The following CSNK1E variants were observed in gnomAD, a reference collection of about 807,000 sequenced individuals.
The protein encoded by CSNK1E is casein kinase I isoform epsilon.
In CSNK1E, 17 loss-of-function variants were observed where a neutral mutation model predicts 46.1. The observed-to-expected ratio is 0.37, with a 90% CI of 0.25 to 0.55. The LOEUF is 0.55. Among genes scored for constraint, CSNK1E ranks in the 20% least tolerant of loss-of-function variants. The pLI, the probability that CSNK1E is intolerant of heterozygous loss-of-function variation, is 0.82. For synonymous variants in CSNK1E, 241 were observed against 242.6 expected, an observed-to-expected ratio of 0.99 and a Z score of 0.06; for missense variants, 386 against 595.4, an observed-to-expected ratio of 0.65 and a Z score of 3.66.
At chr22:38,305,158 A>C (rs2092692618) in intron 2 of CSNK1E, among the ~76,000 whole-genome samples, 1 of 150,758 alleles carries the variant, frequency 6.6e-6, no homozygotes, top group South Asian at 2.1e-4. Context: ...GAAGAGTGCA[A>C]GCACAGTTCT....
At chr22:38,301,852 T>C (rs1279100967) in intron 4 of CSNK1E, among the ~76,000 whole-genome samples, 1 of 152,210 alleles carries the variant, frequency 6.6e-6, no homozygotes, top group Admixed American at 6.5e-5. Context: ...TGAGGGGCTC[T>C]GGCGACCCTC....
intron 10 of CSNK1E, chr22:38,292,967 A>G: frequency 2.3e-6 from 1 of 442,456 alleles, no homozygotes; most frequent in Non-Finnish European, 4.1e-6. Context: ...AACCTTCCAA[A>G]ATATGTTAAG....
In CSNK1E at chr22:38,317,282, AGCC is replaced by A. The variant is rs552795135; in HGVS notation, c.-138_-136del. ...CCGGCGCGCCAGCCTCTCCCGGCCC[AGCC>A]GCCGCCGCCGCCGCCGCCGCCGCGC... On this transcript the variant is annotated 5_prime_UTR_variant, in exon 1 of 11. Transcript: ENST00000396832. 133 of 146,564 alleles carry A rather than the reference AGCC, an allele frequency of 9.1e-4. No individual in the cohort carries two copies. Among genetic ancestry groups the A allele is most frequent in the Middle Eastern group, 3.3e-3 (1 of 300 alleles). 9.1% of individuals were successfully genotyped at this position (146,564 alleles called of 1,614,324 possible).
chr22:38,314,203 C>A, intron 1 of CSNK1E, 34 bp from the exon 2 acceptor site: 1 of 1,579,006 alleles, frequency 6.3e-7, no homozygotes, highest in Non-Finnish European at 8.7e-7. Context: ...GGGTCAGCGA[C>A]GTGGGGAGCC....
chr22:38,293,000 C>A (rs2092619431), intron 10 of CSNK1E: 1 of 522,540 alleles, frequency 1.9e-6, no homozygotes. Context: ...AGAGACCTGG[C>A]CGAGGGCAGA....
chr22:38,314,209 G>A, intron 1 of CSNK1E, 40 bp from the exon 2 acceptor site: 1 of 1,570,234 alleles, frequency 6.4e-7, no homozygotes, highest in South Asian at 1.1e-5. Context: ...GCGACGTGGG[G>A]AGCCGGGAAA....
At chr22:38,295,528 C>T in intron 7 of CSNK1E, 3 of 213,912 alleles carry the variant, frequency 1.4e-5, no homozygotes, top group Non-Finnish European at 2.4e-5. Flanking sequence ...ATGTCTCTCC[C>T]AGGAGACTGG....
At chr22:38,295,167 C>T (rs1183489106) in intron 7 of CSNK1E, among the ~76,000 whole-genome samples, 2 of 152,190 alleles carry the variant, frequency 1.3e-5, no homozygotes, top group African/African-American at 2.4e-5. Context: ...AACCCACAGA[C>T]ACCGCCTGCC....
intron 2 of CSNK1E, among the ~76,000 whole-genome samples, chr22:38,308,299 C>G (rs1391973399): frequency 1.3e-5 from 2 of 152,190 alleles, no homozygotes; most frequent in Admixed American, 1.3e-4. Flanking sequence ...ACTTTGCAAA[C>G]TGTAAAGAGC....
intron 2 of CSNK1E, among the ~76,000 whole-genome samples, chr22:38,307,858 G>A (rs1392592068): frequency 6.6e-6 from 1 of 152,162 alleles, no homozygotes; most frequent in Non-Finnish European, 1.5e-5. Context: ...ACCACACCTG[G>A]CTAATTTTTG....
chr22:38,303,307 GCGCC>G lies in CSNK1E; in HGVS notation c.77-63_77-60del, dbSNP rs2092683384. 24 of 1,420,120 alleles carry G rather than the reference GCGCC, an allele frequency of 1.7e-5. No homozygotes were observed. In the East Asian group the frequency reaches 5.6e-4, roughly 33 times the overall value. 88.0% of individuals were successfully genotyped at this position (1,420,120 alleles called of 1,614,324 possible). ...ACCCTCAAAGGCCAGGCAGTCCCAG[GCGCC>G]CCACTAAGCATTTCTGAGATCTGGC... On this transcript the variant is annotated intron_variant, in intron 2 of 10. Transcript: ENST00000396832. The surrounding 1 kb of genome is among the most constrained non-coding windows in gnomAD (Gnocchi z 4.7).
intron 6 of CSNK1E, among the ~76,000 whole-genome samples, chr22:38,299,416 G>C (rs916668267): frequency 2.0e-5 from 3 of 152,376 alleles, no homozygotes; most frequent in Non-Finnish European, 4.4e-5. Flanking sequence ...AGCAACAGGT[G>C]TAACAGCCAG....
intron 2 of CSNK1E, among the ~76,000 whole-genome samples, chr22:38,311,808 C>CTT (rs71296618): frequency 0.061 from 8,532 of 140,248 alleles, 302 homozygotes; most frequent in African/African-American, 0.092. Flanking sequence ...TTCTTTCCTT[C>CTT]TTTTTTTTTT....
At chr22:38,305,824 G>T (rs1045208059) in intron 2 of CSNK1E, among the ~76,000 whole-genome samples, 1 of 152,030 alleles carries the variant, frequency 6.6e-6, no homozygotes, top group Non-Finnish European at 1.5e-5. Context: ...CCTCCCAGGT[G>T]GTGGAGGCGT....
At chr22:38,317,808 T>C (rs1194460961), upstream of CSNK1E, among the ~76,000 whole-genome samples, 2 of 152,078 alleles carry the variant, frequency 1.3e-5, no homozygotes, top group African/African-American at 2.4e-5. Flanking sequence ...ACTGGGCCCC[T>C]GCGAAAACAG....
chr22:38,303,950 T>C lies in CSNK1E; in HGVS notation c.77-702A>G, dbSNP rs559467037. ...CTCCCCGTCTCCCCCAGTCCACTCC[T>C]GGCTTCTCAAGGGGCTCTAAGAAAA... On this transcript the variant is annotated intron_variant, in intron 2 of 10. Coordinates refer to ENST00000396832, the MANE Select transcript of CSNK1E (RefSeq NM_152221.3). The surrounding 1 kb of genome is among the most constrained non-coding windows in gnomAD (Gnocchi z 4.7). 3.5e-4 allele frequency among the ~76,000 whole-genome samples: 54 copies of C among 152,292 alleles called. 2 individuals carry two copies. In the South Asian group the frequency reaches 0.011, roughly 30 times the overall value.
In CSNK1E at chr22:38,305,412, T is replaced by C. The variant is rs1300902861; in HGVS notation, c.77-2164A>G. Among the ~76,000 whole-genome samples, 40 of 139,668 alleles carry C rather than the reference T, an allele frequency of 2.9e-4. No homozygotes were observed. In the Admixed American group the frequency reaches 3.1e-3, roughly 11 times the overall value. The allele number at this position is 139,668 out of a possible 152,430, so 91.6% of individuals were successfully genotyped here. A position where few individuals can be genotyped will look rare whatever the true frequency, so the allele number is the denominator to read the frequency against. ...GCAAAGCTTTTATTTTTATCCCTGATTCAAAATCCTAAAGCCATTTAAAAA... is the reference window on the plus strand; with the variant it reads ...GCAAAGCTTTTATTTTTATCCCTGACTCAAAATCCTAAAGCCATTTAAAAA... On this transcript the variant is annotated intron_variant, in intron 2 of 10. Coordinates refer to ENST00000396832, the MANE Select transcript of CSNK1E (RefSeq NM_152221.3).
At chr22:38,312,183 G>A (rs150932314) in intron 2 of CSNK1E, among the ~76,000 whole-genome samples, 38 of 152,274 alleles carry the variant, frequency 2.5e-4, no homozygotes, top group African/African-American at 8.9e-4. Context: ...CAACCTCCAT[G>A]GCTCAGGTGA....
rs2092664279 is a variant in CSNK1E at position 38,300,326 on chromosome 22, T to G, written c.566-261A>C. Among the ~76,000 whole-genome samples, 1 of 152,234 alleles carries G rather than the reference T, an allele frequency of 6.6e-6. No individual in the cohort carries two copies. Among genetic ancestry groups the G allele is most frequent in the African/African-American group, 2.4e-5 (1 of 41,456 alleles). ...CATTCAATGACTATGAGAGGGCACC[T>G]ACTGCCCCCTTGCCTGGCCCACCCC... On this transcript the variant is annotated intron_variant, in intron 5 of 10. Transcript: ENST00000396832. This position sits in a 1 kb window ranked among gnomAD's most constrained non-coding sequence, Gnocchi z 4.4.
Sources: gnomAD v4.1 joint callset for allele counts (sites outside exome capture counted in the v4.1 genomes callset) on GRCh38, gnomAD v4.1.1 for gene constraint, Gnocchi (gnomAD v3.1) non-coding constraint, MANE v1.5 for transcripts, NCBI Gene and HGNC (gene_info 2026-07-23, HGNC 2026-07-21) for gene names.